Variants in ITGA2 observed in about 807,000 individuals in gnomAD.
ITGA2 encodes the protein integrin subunit alpha 2.
A neutral mutation model predicts 146.3 loss-of-function variants in ITGA2; 101 were observed. The observed-to-expected ratio is 0.69, with a 90% CI of 0.59 to 0.81. The LOEUF (loss-of-function observed/expected upper bound fraction) is 0.81. Ranked by LOEUF, ITGA2 falls within the 40% of genes least tolerant of loss-of-function variation. ITGA2 has a pLI of 0.00. For missense variants in ITGA2, 1,281 were observed against 1,402.7 expected, an observed-to-expected ratio of 0.91 and a Z score of 1.39; for synonymous variants, 477 against 487.1, an observed-to-expected ratio of 0.98 and a Z score of 0.27.
intron 2 of ITGA2, among the ~76,000 whole-genome samples, chr5:53,027,863 C>T (rs1743028775): frequency 6.6e-6 from 1 of 152,154 alleles, no homozygotes; most frequent in Admixed American, 6.6e-5. Flanking sequence ...GGGAGGATCA[C>T]TTGAGCCTAA....
In ITGA2 at chr5:53,022,384, A is replaced by G. The variant is rs6871545; in HGVS notation, c.65-4364A>G. Among the ~76,000 whole-genome samples, 276 of 152,250 alleles carry G rather than the reference A, an allele frequency of 1.8e-3. 3 individuals are homozygous for G. In the Middle Eastern group the frequency reaches 0.024, roughly 13 times the overall value. On this transcript the variant is annotated intron_variant, in intron 1 of 29. Transcript: ENST00000296585. ...CAGGCTTTGCTACATTTTTAGAACA[A>G]AAGTAGGTTAACTATATCAAATCCC...
intron 26 of ITGA2, among the ~76,000 whole-genome samples, chr5:53,082,961 T>C (rs538496855): frequency 3.3e-5 from 5 of 152,328 alleles, no homozygotes; most frequent in African/African-American, 9.6e-5. Context: ...TTTACTAATT[T>C]ATTTAACTAG....
At chr5:52,990,801 A>T (rs559208375) in intron 1 of ITGA2, among the ~76,000 whole-genome samples, 1 of 152,092 alleles carries the variant, frequency 6.6e-6, no homozygotes, top group East Asian at 1.9e-4. Flanking sequence ...GGTGCTTCAG[A>T]TACTTTCTCC....
chr5:53,057,964 G>A, intron 9 of ITGA2, 61 bp from the exon 10 acceptor site: 3 of 1,272,658 alleles, frequency 2.4e-6, no homozygotes, highest in East Asian at 2.3e-5. Context: ...GCCTGCTTGT[G>A]TTTGAAAACT....
chr5:53,075,153 G>T lies in ITGA2; in HGVS notation c.2741+16G>T. 6.2e-7 allele frequency: 1 copy of T among 1,606,434 alleles called. No homozygotes were observed. The highest frequency in any genetic ancestry group is 8.5e-7 in the Non-Finnish European group (1 of 1,173,578). ...AAGCCTTAAGGTAAAACATAATGAA[G>T]TCATGAATGGAATGATGGATAGCTT... On this transcript the variant is annotated intron_variant, in intron 22 of 29. Transcript: ENST00000296585.
chr5:53,043,660 T>C (rs147400485), intron 3 of ITGA2, among the ~76,000 whole-genome samples: 291 of 152,294 alleles, frequency 1.9e-3, no homozygotes, highest in African/African-American at 6.8e-3. Context: ...GGGATAGCAG[T>C]GTGAGAAGAT....
intron 1 of ITGA2, among the ~76,000 whole-genome samples, chr5:53,010,045 A>G (rs1742044763): frequency 6.6e-6 from 1 of 152,188 alleles, no homozygotes; most frequent in South Asian, 2.1e-4. Context: ...GGGTGTGGCT[A>G]GACATCCTTT....
Position 53,048,377 on chromosome 5 carries a change from G to C in ITGA2, c.402G>C (p.Leu134=), listed in dbSNP as rs762451828. 3.1e-6 allele frequency: 5 copies of C among 1,613,978 alleles called. No individual in the cohort carries two copies. The South Asian group carries it at 5.5e-5, about 18-fold the overall frequency. ...TTTCTTTGAAGACATGTGGTCCTCTGTGGGCACAGCAATGTGGGAATCAGT... is the reference window on the plus strand; with the variant it reads ...TTTCTTTGAAGACATGTGGTCCTCTCTGGGCACAGCAATGTGGGAATCAGT... The part of the protein sequence containing the change: ...GTGGFLTCGP[L]WAQQCGNQYY... The change falls in exon 5 of 30, where the codon CTG becomes CTC. Residue 134 remains leucine, a synonymous_variant. Transcript: ENST00000296585.
chr5:53,050,506 G>A (rs1213960640), intron 6 of ITGA2, among the ~76,000 whole-genome samples: 3 of 152,122 alleles, frequency 2.0e-5, no homozygotes, highest in Admixed American at 6.5e-5. Context: ...CCAGTGCCTA[G>A]CTCACTGCTC....
intron 1 of ITGA2, among the ~76,000 whole-genome samples, chr5:53,021,639 A>C (rs1227405762): frequency 2.0e-5 from 3 of 152,110 alleles, no homozygotes; most frequent in Admixed American, 6.5e-5. Flanking sequence ...TTCTGCAGCT[A>C]CTGAGGACCA....
At chr5:53,000,988 A>T (rs1306824935) in intron 1 of ITGA2, among the ~76,000 whole-genome samples, 2 of 137,616 alleles carry the variant, frequency 1.5e-5, no homozygotes, top group Non-Finnish European at 3.0e-5. Flanking sequence ...TGCAACTTCC[A>T]ACTCCCGGGT....
rs149447000 is a variant in ITGA2, at chr5:53,078,824, A to G, written c.2878A>G (p.Ile960Val). 5.7e-5 allele frequency: 92 copies of G among 1,612,128 alleles called. No individual in the cohort carries two copies. Among genetic ancestry groups the G allele is most frequent in the Non-Finnish European group, 7.4e-5 (87 of 1,178,786 alleles). Residue 960 changes from isoleucine to valine, a missense_variant, in exon 24 of 30, where the codon ATC becomes GTC. Physicochemically the swap from Ile to Val is conservative, Grantham distance 29. This residue lies in a region of ITGA2 where 475 missense variants were observed against 530.5 expected (regional missense o/e 0.90). Coordinates refer to ENST00000296585, the MANE Select transcript of ITGA2 (RefSeq NM_002203.4). ...EISSDGNVPS[I>V]VHSFEDVGPK... ...CTCTTCGGATGGGAATGTTCCTTCA[A>G]TCGTGCACAGTTTTGAAGATGTTGG...
intron 10 of ITGA2, 28 bp downstream of exon 10, chr5:53,058,129 T>C (rs3212529): frequency 0.088 from 134,991 of 1,529,856 alleles, 6,568 homozygotes; most frequent in African/African-American, 0.17. Context: ...CTTCAAGCCA[T>C]GTTGTCATTT....
At chr5:53,088,460 C>T (rs1474626465) in intron 28 of ITGA2, among the ~76,000 whole-genome samples, 2 of 151,906 alleles carry the variant, frequency 1.3e-5, no homozygotes, top group Non-Finnish European at 2.9e-5. Flanking sequence ...CCGAGGCAGG[C>T]GAATCACCTG....
chr5:53,046,637 C>G (rs2111904936), intron 4 of ITGA2, among the ~76,000 whole-genome samples: 1 of 150,780 alleles, frequency 6.6e-6, no homozygotes, highest in Non-Finnish European at 1.5e-5. Context: ...AGGTAAAAAG[C>G]AAGAGAATTT....
intron 3 of ITGA2, 139 bp from the exon 4 acceptor site, chr5:53,044,862 A>G (rs1743997673): frequency 1.5e-6 from 1 of 688,178 alleles, no homozygotes. Context: ...CCCACACTTC[A>G]TTATATAACT....
At chr5:53,036,299 G>A (rs1743490794) in intron 2 of ITGA2, among the ~76,000 whole-genome samples, 1 of 152,064 alleles carries the variant, frequency 6.6e-6, no homozygotes, top group Non-Finnish European at 1.5e-5. Flanking sequence ...TCTACAATAT[G>A]TCAGATCACA....
intron 4 of ITGA2, among the ~76,000 whole-genome samples, chr5:53,046,581 G>A (rs1744101642): frequency 6.6e-6 from 1 of 151,766 alleles, no homozygotes; most frequent in South Asian, 2.1e-4. Flanking sequence ...TACAGAATGT[G>A]CCTCAAAATT....
At position 53,092,024 on chromosome 5, in the gene ITGA2, G is replaced by C. The variant is rs1292221768; in HGVS notation, c.*1425G>C. The stretch of plus-strand genomic sequence containing the variant: ...TCCTGAGATGATTTGGTCAGATTGG[G>C]ATAAGGCCCAGCAATCTGCATTTTA... On this transcript the variant is annotated 3_prime_UTR_variant, in exon 30 of 30. Transcript: ENST00000296585. 1 of 152,172 alleles carries C rather than the reference G, an allele frequency of 6.6e-6. No homozygotes were observed. Among genetic ancestry groups the C allele is most frequent in the Non-Finnish European group, 1.5e-5 (1 of 68,042 alleles). 9.4% of individuals were successfully genotyped at this position (152,172 alleles called of 1,614,324 possible).
Sources: gnomAD v4.1 joint callset for allele counts (sites outside exome capture counted in the v4.1 genomes callset) on GRCh38, gnomAD v4.1.1 for gene constraint, gnomAD v4.1.1 regional missense constraint, MANE v1.5 for transcripts, NCBI Gene and HGNC (gene_info 2026-07-23, HGNC 2026-07-21) for gene names.